TDRD3: variants seen among roughly 807,000 people sequenced by gnomAD.
TDRD3 encodes tudor domain containing 3.
A neutral mutation model predicts 86.7 loss-of-function variants in TDRD3; 45 were observed. The ratio of observed to expected loss-of-function variants is 0.52; its 90% CI spans 0.41 to 0.67. The LOEUF (loss-of-function observed/expected upper bound fraction) is 0.67, where lower values mean the gene tolerates loss of function less well. TDRD3 is among the 30% of genes least tolerant of loss of function. TDRD3 has a pLI of 0.00. For missense variants in TDRD3, 814 were observed against 889.0 expected, an observed-to-expected ratio of 0.92 and a Z score of 1.07; for synonymous variants, 298 against 301.7, an observed-to-expected ratio of 0.99 and a Z score of 0.13.
chr13:60,400,787 A>ACT (rs1306608666), intron 1 of TDRD3, among the ~76,000 whole-genome samples: 1 of 151,912 alleles, frequency 6.6e-6, no homozygotes, highest in East Asian at 1.9e-4. Flanking sequence ...GCATAGCTTA[A>ACT]CTCTCTCTCT....
At chr13:60,502,561 G>C (rs1164116049) in intron 8 of TDRD3, among the ~76,000 whole-genome samples, 1 of 152,096 alleles carries the variant, frequency 6.6e-6, no homozygotes, top group Admixed American at 6.5e-5. Flanking sequence ...ATGGAACTCT[G>C]TTCCACAAGG....
chr13:60,442,974 T>G (rs1955315558), intron 2 of TDRD3, among the ~76,000 whole-genome samples: 1 of 152,084 alleles, frequency 6.6e-6, no homozygotes, highest in African/African-American at 2.4e-5. Context: ...GACCATGATA[T>G]ATTATAAAAT....
At chr13:60,399,433 T>C (rs575639494) in intron 1 of TDRD3, among the ~76,000 whole-genome samples, 1 of 152,342 alleles carries the variant, frequency 6.6e-6, no homozygotes, top group African/African-American at 2.4e-5. Context: ...TTTCTAGGAA[T>C]TGTGAGTTTC....
chr13:60,509,602 C>T (rs1376925240), intron 8 of TDRD3, 161 bp from the exon 9 acceptor site: 1 of 872,894 alleles, frequency 1.1e-6, no homozygotes, highest in Non-Finnish European at 1.8e-6. Flanking sequence ...CAGATTCTTC[C>T]TTGCCTCTTG....
At chr13:60,447,366 A>G (rs888350964) in intron 3 of TDRD3, among the ~76,000 whole-genome samples, 4 of 152,240 alleles carry the variant, frequency 2.6e-5, no homozygotes, top group Middle Eastern at 6.8e-3. Context: ...GTGACTTTTC[A>G]TAAGTCAGTT....
At chr13:60,557,453 A>G (rs1467958675) in intron 12 of TDRD3, among the ~76,000 whole-genome samples, 1 of 152,158 alleles carries the variant, frequency 6.6e-6, no homozygotes, top group African/African-American at 2.4e-5. Context: ...ACTCAGCCTG[A>G]TAATTGATAA....
At chr13:60,434,843 G>C (rs1164456825) in intron 1 of TDRD3, among the ~76,000 whole-genome samples, 1 of 152,134 alleles carries the variant, frequency 6.6e-6, no homozygotes, top group Non-Finnish European at 1.5e-5. Context: ...AGGTCCACCA[G>C]GTGGGTGTGC....
chr13:60,497,302 G>T (rs1469194639), intron 8 of TDRD3, among the ~76,000 whole-genome samples: 5 of 152,204 alleles, frequency 3.3e-5, no homozygotes, highest in African/African-American at 1.2e-4. Flanking sequence ...ACCCAAAGGG[G>T]GTTGTCATTG....
At chr13:60,456,820 C>G (rs1171083201) in intron 3 of TDRD3, among the ~76,000 whole-genome samples, 1 of 152,020 alleles carries the variant, frequency 6.6e-6, no homozygotes, top group African/African-American at 2.4e-5. Flanking sequence ...CTCAGCCTCC[C>G]AAGTAGCTGC....
intron 7 of TDRD3, among the ~76,000 whole-genome samples, chr13:60,491,797 T>C (rs1461680817): frequency 7.2e-6 from 1 of 138,052 alleles, no homozygotes; most frequent in East Asian, 2.0e-4. Context: ...TTATTTCAGG[T>C]TTTTTTTTTT....
intron 1 of TDRD3, among the ~76,000 whole-genome samples, chr13:60,406,266 T>C (rs890702501): frequency 2.6e-5 from 4 of 152,180 alleles, no homozygotes; most frequent in Admixed American, 6.5e-5. Flanking sequence ...TCCGGTATGG[T>C]GGACATTAGA....
chr13:60,569,193 T>A (rs1352742178), intron 13 of TDRD3, among the ~76,000 whole-genome samples: 1 of 152,116 alleles, frequency 6.6e-6, no homozygotes, highest in Non-Finnish European at 1.5e-5. Context: ...GGTCTCAAAC[T>A]CCTGAGCTCA....
chr13:60,520,632 T>A (rs1957268070), intron 10 of TDRD3, among the ~76,000 whole-genome samples: 1 of 152,226 alleles, frequency 6.6e-6, no homozygotes, highest in Non-Finnish European at 1.5e-5. Flanking sequence ...TTTACCTATT[T>A]GTTGTCTGCC....
At position 60,497,747 on chromosome 13, in the gene TDRD3, G is replaced by A. The variant is rs1383717318; in HGVS notation, c.858+3172G>A. On this transcript the variant is annotated intron_variant, in intron 8 of 13. Transcript: ENST00000377881. ...GTGTGGGTGGGCCCTGATGAAGCTG[G>A]GGACACTGAGTTTGTAAACTCTGAT... is the stretch of plus-strand genomic sequence containing the variant. 2.6e-5 allele frequency among the ~76,000 whole-genome samples: 4 copies of A among 152,240 alleles called. No homozygotes were observed. In the East Asian group the frequency reaches 7.7e-4, roughly 29 times the overall value.
At chr13:60,475,142 T>C (rs1956158369) in intron 5 of TDRD3, among the ~76,000 whole-genome samples, 1 of 152,014 alleles carries the variant, frequency 6.6e-6, no homozygotes, top group Non-Finnish European at 1.5e-5. Flanking sequence ...TTAACATGGG[T>C]AAATTGTGTG....
At chr13:60,460,133 C>CTGAAAATGAATTCAGAATTA (rs544529357) in intron 3 of TDRD3, among the ~76,000 whole-genome samples, 3,310 of 152,200 alleles carry the variant, frequency 0.022, 54 homozygotes, top group Middle Eastern at 0.034. Context: ...TCATTACCTT[C>CTGAAAATGAATTCAGAATTA]TGAAAATGAA....
intron 13 of TDRD3, among the ~76,000 whole-genome samples, chr13:60,571,792 C>T (rs1159341732): frequency 6.6e-6 from 1 of 151,962 alleles, no homozygotes; most frequent in Non-Finnish European, 1.5e-5. Context: ...TCCACTTGAG[C>T]CAAATACTAA....
At chr13:60,468,455 G>A (rs1278246038) in intron 5 of TDRD3, among the ~76,000 whole-genome samples, 2 of 152,072 alleles carry the variant, frequency 1.3e-5, no homozygotes, top group Non-Finnish European at 2.9e-5. Flanking sequence ...TTCTTTTTGT[G>A]TATTGCTTTT....
chr13:60,443,692 A>T (rs573125556), intron 2 of TDRD3, among the ~76,000 whole-genome samples: 8 of 152,010 alleles, frequency 5.3e-5, no homozygotes, highest in African/African-American at 1.9e-4. Flanking sequence ...TTTCTCCTTA[A>T]GTCTAACAAA....
Sources: gnomAD v4.1 joint callset for allele counts (sites outside exome capture counted in the v4.1 genomes callset) on GRCh38, gnomAD v4.1.1 for gene constraint, MANE v1.5 for transcripts, NCBI Gene and HGNC (gene_info 2026-07-23, HGNC 2026-07-21) for gene names.